Variants in CD180 observed in about 807,000 individuals in gnomAD.
CD180 encodes the protein CD180 molecule.
A neutral mutation model predicts 10.7 loss-of-function variants in CD180; 11 were observed. That is an observed-to-expected ratio of 1.03 (90% CI 0.65 to 1.70). The LOEUF is 1.70. Among genes scored for constraint, CD180 ranks in the 40% most tolerant of loss-of-function variants. CD180 has a pLI of 0.00. For missense variants in CD180, 729 were observed against 775.2 expected, an observed-to-expected ratio of 0.94 and a Z score of 0.71; for synonymous variants, 286 against 294.6, an observed-to-expected ratio of 0.97 and a Z score of 0.30.
rs946536185 is a variant in CD180, at chr5:67,180,244, A to G, written c.*2613T>C. The stretch of plus-strand genomic sequence containing the variant: ...CCCCTTTCATTGTTAGTGTGATGTA[A>G]TTCACATCAGAGGTTTTCTACAGAA... On this transcript the variant is annotated 3_prime_UTR_variant, in exon 3 of 3. Coordinates refer to ENST00000256447, the MANE Select transcript of CD180 (RefSeq NM_005582.3). The G allele has an allele frequency of 1.3e-5, 2 of 152,376 alleles. No homozygotes were observed. Among genetic ancestry groups the G allele is most frequent in the Admixed American group, 1.3e-4 (2 of 15,312 alleles). The allele number at this position is 152,376 out of a possible 1,614,324, so 9.4% of individuals were successfully genotyped here.
In CD180 at chr5:67,183,323, C is replaced by G. The variant is rs1287516174; in HGVS notation, c.1520G>C (p.Gly507Ala). 1 of 1,614,088 alleles carries G rather than the reference C, an allele frequency of 6.2e-7. No individual in the cohort carries two copies. Among genetic ancestry groups the G allele is most frequent in the Non-Finnish European group, 8.5e-7 (1 of 1,180,006 alleles). Reference sequence around the variant, plus strand: ...TGCTTGCTGGTCTATAGAGAGGAGACCACAAGAGGACAAAATCAGAACCTC... The same window carrying G: ...TGCTTGCTGGTCTATAGAGAGGAGAGCACAAGAGGACAAAATCAGAACCTC... Reference protein sequence around the residue: ...SLEVLILSSCGLLSIDQQAFH... With the variant: ...SLEVLILSSCALLSIDQQAFH... Residue 507 changes from glycine (G) to alanine (A), a missense_variant, in exon 3 of 3, where the codon GGT becomes GCT. By Grantham distance (60) the Gly-to-Ala change is moderately conservative. Transcript: ENST00000256447.
intron 1 of CD180, among the ~76,000 whole-genome samples, chr5:67,195,049 G>A (rs1404936580): frequency 6.6e-6 from 1 of 152,172 alleles, no homozygotes; most frequent in African/African-American, 2.4e-5. Context: ...GAGAGAAGAT[G>A]GCCATCTGCA....
intron 1 of CD180, among the ~76,000 whole-genome samples, chr5:67,192,657 T>C (rs547742495): frequency 2.0e-5 from 3 of 152,004 alleles, no homozygotes; most frequent in Non-Finnish European, 4.4e-5. Context: ...GAGAACTCAT[T>C]ATCACCAAGA....
chr5:67,187,959 C>G (rs1742229474), intron 1 of CD180, among the ~76,000 whole-genome samples: 1 of 152,108 alleles, frequency 6.6e-6, no homozygotes, highest in African/African-American at 2.4e-5. Context: ...ATCACGAGGT[C>G]AGGAGTTCAA....
Position 67,184,031 on chromosome 5 carries a change from A to G in CD180, c.812T>C (p.Leu271Pro), listed in dbSNP as rs143797212. Residue 271 changes from leucine to proline, a missense_variant, in exon 3 of 3, where the codon CTC becomes CCC. Transcript: ENST00000256447. ...GAGGCTCTCAACAGACATTTCACAGAGTCCCTTGAGCATGGCTGAACTAAT... is the reference window on the plus strand; with the variant it reads ...GAGGCTCTCAACAGACATTTCACAGGGTCCCTTGAGCATGGCTGAACTAAT... ...EDISSAMLKG[L>P]CEMSVESLNL... is the part of the protein sequence containing the mutation. 2.9e-4 allele frequency: 465 copies of G among 1,613,994 alleles called. No individual in the cohort carries two copies. The highest frequency in any genetic ancestry group is 3.3e-4 in the Non-Finnish European group (392 of 1,179,988).
rs11740538 is a variant in CD180, at chr5:67,180,783, G to A, written c.*2074C>T. 0.19 allele frequency: 29,182 copies of A among 151,920 alleles called. 3,621 individuals are homozygous for A. The highest frequency in any genetic ancestry group is 0.28 in the Non-Finnish European group (19,286 of 67,944). The allele number at this position is 151,920 out of a possible 1,614,324, so 9.4% of individuals were successfully genotyped here. A position where few individuals can be genotyped will look rare whatever the true frequency, so the allele number is the denominator to read the frequency against. ...GGAGGCCGAGGCGGGCAGATCACTT[G>A]AGGTCAGGAGTTCAAGACCAGCCTG... On this transcript the variant is annotated 3_prime_UTR_variant, in exon 3 of 3. Transcript: ENST00000256447.
In CD180 at chr5:67,186,215, A is replaced by G. The variant is rs529219592; in HGVS notation, c.91-198T>C. On this transcript the variant is annotated intron_variant, in intron 1 of 2. Transcript: ENST00000256447. Reference sequence around the variant, plus strand: ...TTTTGTAATAGCAAAATTGACAATAACCAGACTATTCATCAATATAGGACT... The same window carrying G: ...TTTTGTAATAGCAAAATTGACAATAGCCAGACTATTCATCAATATAGGACT... 4 of 388,252 alleles carry G rather than the reference A, an allele frequency of 1.0e-5. No homozygotes were observed. The South Asian group carries it at 1.9e-4, about 18-fold the overall frequency. 24.1% of individuals were successfully genotyped at this position (388,252 alleles called of 1,614,324 possible). A position where few individuals can be genotyped will look rare whatever the true frequency, so the allele number is the denominator to read the frequency against.
At position 67,183,605 on chromosome 5, in the gene CD180, C is replaced by A; in HGVS notation, c.1238G>T (p.Ser413Ile). The change falls in exon 3 of 3, where the codon AGT (serine) becomes ATT (isoleucine). Residue 413 changes from serine to isoleucine, a missense_variant. Coordinates refer to ENST00000256447, the MANE Select transcript of CD180 (RefSeq NM_005582.3). ...CTGAGGACATTCTTTGAATGCCTGA[C>A]TCTGGAGACCAAGAGGCTCATTGTG... is the stretch of plus-strand genomic sequence containing the variant. ...LSHNEPLGLQSQAFKECPQLE... is the reference protein window; with the variant it reads ...LSHNEPLGLQIQAFKECPQLE... 1 of 1,614,166 alleles carries A rather than the reference C, an allele frequency of 6.2e-7. No homozygotes were observed. Among genetic ancestry groups the A allele is most frequent in the Non-Finnish European group, 8.5e-7 (1 of 1,180,020 alleles).
chr5:67,184,658 T>A, intron 2 of CD180, 73 bp from the exon 3 acceptor site: 3 of 1,217,578 alleles, frequency 2.5e-6, no homozygotes, highest in Non-Finnish European at 3.4e-6. Context: ...TGACACACAT[T>A]AACAAAGTCA....
At chr5:67,185,725 G>A (rs914849420) in intron 2 of CD180, 126 bp downstream of exon 2, 2 of 542,402 alleles carry the variant, frequency 3.7e-6, no homozygotes, top group Non-Finnish European at 3.1e-6. Flanking sequence ...TCATGGGGAG[G>A]CATAAACATG....
chr5:67,183,592 T>G lies in CD180; in HGVS notation c.1251A>C (p.Lys417Asn). 6.2e-7 allele frequency: 1 copy of G among 1,614,210 alleles called. No homozygotes were observed. The change falls in exon 3 of 3, where the codon AAA becomes AAC. Residue 417 changes from lysine to asparagine, a missense_variant. Physicochemically the swap from Lys to Asn is moderately conservative, Grantham distance 94. Transcript: ENST00000256447. Reference sequence around the variant, plus strand: ...CGAGGAGTTCTAGCTGAGGACATTCTTTGAATGCCTGACTCTGGAGACCAA... The same window carrying G: ...CGAGGAGTTCTAGCTGAGGACATTCGTTGAATGCCTGACTCTGGAGACCAA... ...EPLGLQSQAFKECPQLELLDL... is the reference protein window; with the variant it reads ...EPLGLQSQAFNECPQLELLDL...
rs377501004 is a variant in CD180, at chr5:67,196,559, C to T, written c.83G>A (p.Cys28Tyr). The T allele has an allele frequency of 5.6e-6, 9 of 1,613,946 alleles. No homozygotes were observed. The African/African-American group carries it at 1.2e-4, about 22-fold the overall frequency. ...CKVITSWDQMCIEKEANKTYN... is the reference protein window; with the variant it reads ...CKVITSWDQMYIEKEANKTYN... ...CAAACAGTTTGGACTCACCTCAATG[C>T]ACATCTGATCCCAGGAGGTGATGAC... Residue 28 changes from cysteine to tyrosine, a missense_variant, in exon 1 of 3, where the codon TGC becomes TAC. Coordinates refer to ENST00000256447, the MANE Select transcript of CD180 (RefSeq NM_005582.3).
rs1742047602 is a variant in CD180, at chr5:67,181,499, A to G, written c.*1358T>C. On this transcript the variant is annotated 3_prime_UTR_variant, in exon 3 of 3. Coordinates refer to ENST00000256447, the MANE Select transcript of CD180 (RefSeq NM_005582.3). Reference sequence around the variant, plus strand: ...ATGACCCCCAAGTTTTCACTCTGTTATGATGTCCCACTAGTATGCCTTCAA... The same window carrying G: ...ATGACCCCCAAGTTTTCACTCTGTTGTGATGTCCCACTAGTATGCCTTCAA... 1 of 152,244 alleles carries G rather than the reference A, an allele frequency of 6.6e-6. No homozygotes were observed. Among genetic ancestry groups the G allele is most frequent in the African/African-American group, 2.4e-5 (1 of 41,448 alleles). 9.4% of individuals were successfully genotyped at this position (152,244 alleles called of 1,614,324 possible).
intron 1 of CD180, 110 bp downstream of exon 1, chr5:67,196,442 T>C: frequency 9.9e-7 from 1 of 1,012,970 alleles, no homozygotes; most frequent in Non-Finnish European, 1.5e-6. Flanking sequence ...CCTTATTTCC[T>C]TTTTAAAGAC....
At chr5:67,189,163 C>T (rs1273043229) in intron 1 of CD180, among the ~76,000 whole-genome samples, 1 of 152,206 alleles carries the variant, frequency 6.6e-6, no homozygotes, top group Non-Finnish European at 1.5e-5. Context: ...TCACTCTATT[C>T]CGGCCCTACA....
chr5:67,184,546 G>C lies in CD180; in HGVS notation c.297C>G (p.Ser99Arg), dbSNP rs2230520. ...INWIHEDTFQ[S>R]HHQLSTLVLT... ...ACACAAGTGTGCTTAATTGATGATGGCTTTGAAAAGTGTCTTCATGTATCC... is the reference window on the plus strand; with the variant it reads ...ACACAAGTGTGCTTAATTGATGATGCCTTTGAAAAGTGTCTTCATGTATCC... The change falls in exon 3 of 3, where the codon AGC becomes AGG. Residue 99 changes from serine to arginine, a missense_variant. Transcript: ENST00000256447. 47,702 of 1,602,980 alleles carry C rather than the reference G, an allele frequency of 0.03. 3,096 individuals carry two copies. Among genetic ancestry groups the C allele is most frequent in the East Asian group, 0.21 (9,238 of 44,556 alleles).
At chr5:67,192,510 G>T (rs1321033878) in intron 1 of CD180, among the ~76,000 whole-genome samples, 2 of 152,194 alleles carry the variant, frequency 1.3e-5, no homozygotes, top group Middle Eastern at 3.2e-3. Context: ...CATCTGCTTG[G>T]CTTCTGGGGA....
At chr5:67,194,792 T>C (rs1051942060) in intron 1 of CD180, among the ~76,000 whole-genome samples, 3 of 152,214 alleles carry the variant, frequency 2.0e-5, no homozygotes, top group African/African-American at 7.2e-5. Flanking sequence ...CTTACTCTTC[T>C]CCTTCTGTTA....
intron 2 of CD180, among the ~76,000 whole-genome samples, chr5:67,185,595 A>G (rs5744520): frequency 0.023 from 3,525 of 152,240 alleles, 134 homozygotes; most frequent in African/African-American, 0.079. Context: ...CATTTTTGCT[A>G]TCAGTATTCC....
Sources: gnomAD v4.1 joint callset for allele counts (sites outside exome capture counted in the v4.1 genomes callset) on GRCh38, gnomAD v4.1.1 for gene constraint, MANE v1.5 for transcripts, NCBI Gene and HGNC (gene_info 2026-07-23, HGNC 2026-07-21) for gene names.